CTNNA1: variants seen among roughly 807,000 people sequenced by gnomAD.
CTNNA1 encodes catenin alpha 1.
Under a neutral mutation model 98.4 loss-of-function variants are expected in CTNNA1, and 37 were observed. The ratio of observed to expected loss-of-function variants is 0.38; its 90% confidence interval spans 0.29 to 0.49. The LOEUF is 0.49. CTNNA1 is among the 20% of genes least tolerant of loss of function. The probability of loss-of-function intolerance (pLI) is 0.95; values close to 1 mark genes in which losing one functional copy is unlikely to be tolerated. For missense variants in CTNNA1, 761 were observed against 1,147.2 expected (o/e 0.66, Z 4.86); for synonymous variants, 404 against 413.2 (o/e 0.98, Z 0.27).
chr5:138,824,365 A>T (rs1760417950), intron 5 of CTNNA1, among the ~76,000 whole-genome samples, 165 bp from the exon 6 acceptor site: 1 of 152,152 alleles, frequency 6.6e-6, no homozygotes, highest in Non-Finnish European at 1.5e-5. Context: ...CTTACCTACC[A>T]AACCATACTG....
rs1581049342 is a variant in CTNNA1, at chr5:138,797,237, T to C, written c.302-12801T>C. On this transcript the variant is annotated intron_variant, in intron 3 of 17. Coordinates refer to ENST00000302763, the MANE Select transcript of CTNNA1 (RefSeq NM_001903.5). ...CATTTTTATCATTTAAAAACTTTTT[T>C]TATATAAAAGTATATTCACTATAGA... Among the ~76,000 whole-genome samples the C allele has an allele frequency of 3.9e-5, 6 of 152,300 alleles. No homozygotes were observed. The South Asian group carries it at 1.2e-3, about 32-fold the overall frequency.
intron 1 of CTNNA1, among the ~76,000 whole-genome samples, chr5:138,774,783 A>G (rs1213260408): frequency 1.3e-5 from 2 of 151,998 alleles, no homozygotes; most frequent in African/African-American, 2.4e-5. Flanking sequence ...CACCGCACCC[A>G]GCTAATTTTT....
chr5:138,844,017 A>G (rs939853000), intron 7 of CTNNA1, among the ~76,000 whole-genome samples: 9 of 152,126 alleles, frequency 5.9e-5, no homozygotes, highest in African/African-American at 2.2e-4. Context: ...TGCAATTCTT[A>G]AGGCTTTTTT....
intron 3 of CTNNA1, among the ~76,000 whole-genome samples, chr5:138,791,201 A>G (rs1490570600): frequency 6.6e-6 from 1 of 152,142 alleles, no homozygotes; most frequent in Non-Finnish European, 1.5e-5. Flanking sequence ...CTTTCAGGTC[A>G]TTCCATTTCA....
intron 3 of CTNNA1, among the ~76,000 whole-genome samples, chr5:138,805,907 A>G (rs1310011947): frequency 6.6e-6 from 1 of 151,604 alleles, no homozygotes; most frequent in Non-Finnish European, 1.5e-5. Context: ...GATGATGTCA[A>G]ACTTACCTGT....
intron 1 of CTNNA1, among the ~76,000 whole-genome samples, chr5:138,763,753 T>C (rs1752609725): frequency 6.6e-6 from 1 of 152,220 alleles, no homozygotes. Flanking sequence ...AAACAGTGTT[T>C]GTGGGTTTTA....
At chr5:138,900,772 A>G (rs1346023936) in intron 9 of CTNNA1, among the ~76,000 whole-genome samples, 3 of 152,160 alleles carry the variant, frequency 2.0e-5, no homozygotes, top group Admixed American at 6.5e-5. Context: ...CATTTCCTCA[A>G]CAGCTCAGAT....
intron 11 of CTNNA1, among the ~76,000 whole-genome samples, chr5:138,920,871 G>A (rs561649786): frequency 2.6e-5 from 4 of 152,272 alleles, no homozygotes; most frequent in Non-Finnish European, 5.9e-5. Flanking sequence ...GTCCTGATTT[G>A]TGGCTCAAAA....
intron 7 of CTNNA1, among the ~76,000 whole-genome samples, chr5:138,846,078 C>T (rs1165466720): frequency 6.6e-6 from 1 of 152,130 alleles, no homozygotes; most frequent in African/African-American, 2.4e-5. Context: ...AAGCGCCCAC[C>T]ACCACGCCCG....
rs1758111155 is a variant in CTNNA1 at position 138,901,856 on chromosome 5, G to A, written c.1297-2493G>A. Among the ~76,000 whole-genome samples the A allele has an allele frequency of 2.0e-5, 3 of 152,294 alleles. No homozygotes were observed. In the South Asian group the frequency reaches 6.2e-4, roughly 32 times the overall value. On this transcript the variant is annotated intron_variant, in intron 9 of 17. Coordinates refer to ENST00000302763, the MANE Select transcript of CTNNA1 (RefSeq NM_001903.5). Reference sequence around the variant, plus strand: ...TTCACTGTAGTCAGGCCTGACACTAGTATGTGAGGTTAGCCTCTCAGAGAG... The same window carrying A: ...TTCACTGTAGTCAGGCCTGACACTAATATGTGAGGTTAGCCTCTCAGAGAG...
intron 7 of CTNNA1, among the ~76,000 whole-genome samples, chr5:138,883,482 C>G (rs1240476589): frequency 6.6e-6 from 1 of 152,168 alleles, no homozygotes; most frequent in East Asian, 1.9e-4. Context: ...TTAACAGATT[C>G]ATGGTGTGGG....
chr5:138,868,772 C>T (rs1219355979), intron 7 of CTNNA1, among the ~76,000 whole-genome samples: 1 of 152,082 alleles, frequency 6.6e-6, no homozygotes, highest in Non-Finnish European at 1.5e-5. Context: ...TGATTAGCTG[C>T]CCCTTTTTTC....
chr5:138,795,092 A>G (rs1262320369), intron 3 of CTNNA1, among the ~76,000 whole-genome samples: 2 of 148,676 alleles, frequency 1.3e-5, no homozygotes, highest in Non-Finnish European at 3.0e-5. Context: ...GAAGCTTGCA[A>G]TAAGCCAAGG....
rs1248721633 is a variant in CTNNA1, at chr5:138,887,581, A to G, written c.1235A>G (p.Asn412Ser). The G allele has an allele frequency of 1.2e-6, 2 of 1,612,710 alleles. No individual in the cohort carries two copies. Among genetic ancestry groups the G allele is most frequent in the Non-Finnish European group, 1.7e-6 (2 of 1,179,450 alleles). Reference protein sequence around the residue: ...LVLIEAAKNGNEKEVKEYAQV... With the variant: ...LVLIEAAKNGSEKEVKEYAQV... ...TTGATTGAAGCTGCAAAGAATGGAAATGAGAAAGAAGTTAAGGAGTATGCC... is the reference window on the plus strand; with the variant it reads ...TTGATTGAAGCTGCAAAGAATGGAAGTGAGAAAGAAGTTAAGGAGTATGCC... The change falls in exon 9 of 18, where the codon AAT becomes AGT. Residue 412 changes from asparagine (N) to serine (S), a missense_variant. Physicochemically the swap from Asn to Ser is conservative, Grantham distance 46. Around this residue, in one of 6 missense-constraint regions of CTNNA1, gnomAD observed 287 missense variants for 436.0 expected, o/e 0.66. Transcript: ENST00000302763.
intron 3 of CTNNA1, among the ~76,000 whole-genome samples, chr5:138,787,271 A>AG (rs1247583552): frequency 6.6e-6 from 1 of 152,234 alleles, no homozygotes; most frequent in Non-Finnish European, 1.5e-5. Context: ...TCTACTAAAA[A>AG]TACAAAAAAT....
At chr5:138,827,290 T>C (rs1760821381) in intron 6 of CTNNA1, among the ~76,000 whole-genome samples, 1 of 152,238 alleles carries the variant, frequency 6.6e-6, no homozygotes, top group Non-Finnish European at 1.5e-5. Context: ...TACCTTATCA[T>C]GCCTTGTTTG....
intron 9 of CTNNA1, among the ~76,000 whole-genome samples, chr5:138,893,962 G>T (rs1756108326): frequency 6.6e-6 from 1 of 151,602 alleles, no homozygotes; most frequent in Non-Finnish European, 1.5e-5. Context: ...CTGTCACTTA[G>T]GCTGGAGTGC....
chr5:138,816,623 AT>A (rs1759456269), intron 5 of CTNNA1, among the ~76,000 whole-genome samples: 1 of 151,826 alleles, frequency 6.6e-6, no homozygotes, highest in African/African-American at 2.4e-5. Flanking sequence ...TTCTCTGATG[AT>A]TAGTGATGTT....
At chr5:138,881,226 A>G (rs1288227050) in intron 7 of CTNNA1, 1 of 405,186 alleles carries the variant, frequency 2.5e-6, no homozygotes, top group Non-Finnish European at 5.0e-6. Flanking sequence ...TTTGTAATTT[A>G]AGAAGAGGGC....
Sources: gnomAD v4.1 joint callset for allele counts (sites outside exome capture counted in the v4.1 genomes callset) on GRCh38, gnomAD v4.1.1 for gene constraint, gnomAD v4.1.1 regional missense constraint, MANE v1.5 for transcripts, NCBI Gene and HGNC (gene_info 2026-07-23, HGNC 2026-07-21) for gene names.